MUC22: variants seen among roughly 807,000 people sequenced by gnomAD.
MUC22 encodes the protein mucin-22.
A neutral mutation model predicts 40.3 loss-of-function variants in MUC22; 24 were observed. The observed-to-expected ratio is 0.60, with a 90% CI of 0.43 to 0.84. MUC22 has a LOEUF of 0.84. Among genes scored for constraint, MUC22 ranks in the 40% least tolerant of loss-of-function variants. MUC22 has a pLI of 0.00. For synonymous variants in MUC22, 765 were observed against 844.5 expected, an observed-to-expected ratio of 0.91 and a Z score of 1.63; for missense variants, 1,926 against 2,130.7, an observed-to-expected ratio of 0.90 and a Z score of 1.89.
At chr6:31,016,978 C>G (rs1764258972) in intron 1 of MUC22, among the ~76,000 whole-genome samples, 1 of 152,234 alleles carries the variant, frequency 6.6e-6, no homozygotes, top group Non-Finnish European at 1.5e-5. Flanking sequence ...CCAGGTTCCC[C>G]AGCAGTGCCA....
At chr6:31,030,576 C>T (rs1765988960) in intron 2 of MUC22, among the ~76,000 whole-genome samples, 1 of 116,378 alleles carries the variant, frequency 8.6e-6, no homozygotes, top group Non-Finnish European at 1.8e-5. Context: ...CTGGTCTCAC[C>T]TCTTTTTTTT....
intron 1 of MUC22, among the ~76,000 whole-genome samples, chr6:31,016,991 G>A (rs12204735): frequency 0.12 from 18,209 of 152,216 alleles, 1,274 homozygotes; most frequent in African/African-American, 0.17. Flanking sequence ...CAGTGCCAGC[G>A]GGTGCTGCGC....
At chr6:31,005,968 G>C (rs1018459878), upstream of MUC22, among the ~76,000 whole-genome samples, 2 of 152,160 alleles carry the variant, frequency 1.3e-5, no homozygotes, top group Non-Finnish European at 2.9e-5. Context: ...ACTAGCTGGC[G>C]TGGTGGCAGG....
chr6:31,020,811 C>T (rs1361706724), intron 1 of MUC22, among the ~76,000 whole-genome samples: 4 of 152,094 alleles, frequency 2.6e-5, no homozygotes, highest in Non-Finnish European at 5.9e-5. Flanking sequence ...GCCCCGCACT[C>T]GAAGCAGCCA....
chr6:31,011,587 G>A lies in MUC22; in HGVS notation c.70+811G>A, dbSNP rs778279616. On this transcript the variant is annotated intron_variant, in intron 1 of 3. Coordinates refer to ENST00000561890, the Ensembl canonical transcript of MUC22. The surrounding 1 kb of genome is among the most constrained non-coding windows in gnomAD (Gnocchi z 4.5). The stretch of plus-strand genomic sequence containing the variant: ...ATATATGCCAGTTTCTTTATCCACC[G>A]TTGATTGATGGGCATTTGGGTTCCA... 1.6e-4 allele frequency among the ~76,000 whole-genome samples: 25 copies of A among 152,128 alleles called. No homozygotes were observed. Among genetic ancestry groups the A allele is most frequent in the African/African-American group, 2.2e-4 (9 of 41,424 alleles).
intron 1 of MUC22, among the ~76,000 whole-genome samples, chr6:31,015,953 T>C (rs1764166485): frequency 6.6e-6 from 1 of 152,198 alleles, no homozygotes. Flanking sequence ...CCTCCTGGGC[T>C]GACACTCTAA....
chr6:31,010,906 T>TC, intron 1 of MUC22, 130 bp downstream of exon 1: 2 of 618,748 alleles, frequency 3.2e-6, no homozygotes, highest in East Asian at 5.5e-5. Flanking sequence ...TTTTTTTTTT[T>TC]TTTTGCCCAT....
At chr6:31,028,143 G>A (rs1223755565) in exon 2 of MUC22, 1 of 1,533,410 alleles carries the variant, frequency 6.5e-7, no homozygotes, top group East Asian at 2.5e-5. Context: ...CAGACTCTGA[G>A]ACCACCATGG....
intron 1 of MUC22, among the ~76,000 whole-genome samples, chr6:31,013,809 G>A (rs1280750183): frequency 6.6e-6 from 1 of 152,142 alleles, no homozygotes; most frequent in Non-Finnish European, 1.5e-5. Flanking sequence ...GATTACAGGC[G>A]TGAGCCATTG....
chr6:31,034,894 G>C, exon 4 of MUC22: 2 of 1,535,618 alleles, frequency 1.3e-6, no homozygotes, highest in Non-Finnish European at 8.7e-7. Flanking sequence ...AGATGGCTAC[G>C]GAGTGAATCA....
chr6:31,026,016 C>T, exon 2 of MUC22: 1 of 1,530,040 alleles, frequency 6.5e-7, no homozygotes, highest in Non-Finnish European at 8.8e-7. Context: ...GCTCTGAGAC[C>T]ACCACCACCT....
chr6:31,026,405 C>G lies in MUC22; in HGVS notation c.974C>G (p.Ser325Cys), dbSNP rs1341608132. Residue 325 changes from serine to cysteine, a missense_variant, in exon 2 of 4, where the codon TCC becomes TGC. Physicochemically the swap from Ser to Cys is moderately radical, Grantham distance 112. This residue lies in a region of MUC22 where 1,281 missense variants were observed against 1,337.8 expected (regional missense o/e 0.96). Coordinates refer to ENST00000561890, the Ensembl canonical transcript of MUC22. The stretch of plus-strand genomic sequence containing the variant: ...ATCACCACCACCTCTACGGCAGGAT[C>G]CGAGAACACCACAGTCTCTAGTGCA... 14 of 1,508,040 alleles carry G rather than the reference C, an allele frequency of 9.3e-6. 1 individual carries two copies. The African/African-American group carries it at 1.7e-4, about 18-fold the overall frequency. 93.4% of individuals were successfully genotyped at this position (1,508,040 alleles called of 1,614,324 possible).
chr6:31,020,441 C>CT (rs3084519), intron 1 of MUC22, among the ~76,000 whole-genome samples: 38,497 of 126,208 alleles, frequency 0.31, 6,466 homozygotes, highest in Non-Finnish European at 0.33. Context: ...TGGAAATTGA[C>CT]TTTTTTTTTT....
upstream of MUC22, among the ~76,000 whole-genome samples, chr6:31,007,348 GC>G (rs1763584966): frequency 6.6e-6 from 1 of 152,198 alleles, no homozygotes; most frequent in Non-Finnish European, 1.5e-5. This position sits in a 1 kb window ranked among gnomAD's most constrained non-coding sequence, Gnocchi z 4.0. Context: ...GACAGTGGCT[GC>G]CATCAGAGTG....
chr6:31,031,118 C>T (rs780967347), intron 2 of MUC22, among the ~76,000 whole-genome samples: 1 of 152,216 alleles, frequency 6.6e-6, no homozygotes, highest in Middle Eastern at 3.2e-3. Context: ...CTTCTATTCT[C>T]ATGACTGGTG....
At position 31,034,677 on chromosome 6, in the gene MUC22, C is replaced by A. The variant is rs892575103; in HGVS notation, c.5061C>A (p.Asn1687Lys). 1.3e-6 allele frequency: 2 copies of A among 1,530,686 alleles called. No individual in the cohort carries two copies. The highest frequency in any genetic ancestry group is 2.4e-5 in the South Asian group (2 of 83,310). 94.8% of individuals were successfully genotyped at this position (1,530,686 alleles called of 1,614,324 possible). ...TATTTATTTTTTTCTTTTAGAGAAACCTTTTCTTCCCCCTGAGATATTGTG... is the reference window on the plus strand; with the variant it reads ...TATTTATTTTTTTCTTTTAGAGAAAACTTTTCTTCCCCCTGAGATATTGTG... The change falls in exon 4 of 4, where the codon AAC becomes AAA. Residue 1687 changes from asparagine to lysine, a missense_variant. This residue lies in a region of MUC22 where 610 missense variants were observed against 714.6 expected (regional missense o/e 0.85). Coordinates refer to ENST00000561890, the Ensembl canonical transcript of MUC22.
intron 1 of MUC22, among the ~76,000 whole-genome samples, chr6:31,020,744 G>T (rs1029972605): frequency 1.3e-5 from 2 of 152,192 alleles, no homozygotes; most frequent in Non-Finnish European, 2.9e-5. Context: ...GCGGGAACCG[G>T]GACTGTGCGC....
chr6:31,025,988 C>T (rs1382218096), exon 2 of MUC22: 15 of 1,534,444 alleles, frequency 9.8e-6, no homozygotes, highest in Non-Finnish European at 1.3e-5. Flanking sequence ...TCTGAGACTG[C>T]CACAGTCTCT....
exon 2 of MUC22, chr6:31,025,598 C>T: frequency 6.6e-7 from 1 of 1,520,604 alleles, no homozygotes; most frequent in Non-Finnish European, 8.8e-7. Context: ...ATGGCCTCTA[C>T]TTCGGCCTTA....
Sources: gnomAD v4.1 joint callset for allele counts (sites outside exome capture counted in the v4.1 genomes callset) on GRCh38, gnomAD v4.1.1 for gene constraint, gnomAD v4.1.1 regional missense constraint, Gnocchi (gnomAD v3.1) non-coding constraint, MANE v1.5 for transcripts, NCBI Gene and HGNC (gene_info 2026-07-23, HGNC 2026-07-21) for gene names.